Variants in SEMA3E observed in about 807,000 individuals in gnomAD.
SEMA3E encodes the protein semaphorin-3E.
SEMA3E carries 49 observed loss-of-function variants against 93.6 expected under a neutral mutation model. The ratio of observed to expected loss-of-function variants is 0.52; its 90% CI spans 0.42 to 0.66. The LOEUF (loss-of-function observed/expected upper bound fraction) is 0.66, where lower values mean the gene tolerates loss of function less well. Ranked by LOEUF, SEMA3E falls within the 30% of genes least tolerant of loss-of-function variation. The pLI is 0.00. For missense variants in SEMA3E, 906 were observed against 964.8 expected, an observed-to-expected ratio of 0.94 and a Z score of 0.81; for synonymous variants, 363 against 330.7, an observed-to-expected ratio of 1.10 and a Z score of -1.06.
At chr7:83,539,482 G>A (rs1009520180) in intron 1 of SEMA3E, among the ~76,000 whole-genome samples, 3 of 152,080 alleles carry the variant, frequency 2.0e-5, no homozygotes, top group East Asian at 1.9e-4. Context: ...TGATAATCTC[G>A]TACTTCCAAC....
chr7:83,567,422 C>T (rs1359808544), intron 1 of SEMA3E, among the ~76,000 whole-genome samples: 1 of 152,146 alleles, frequency 6.6e-6, no homozygotes, highest in African/African-American at 2.4e-5. Context: ...CCGACATTCA[C>T]AGATATTTCA....
intron 1 of SEMA3E, among the ~76,000 whole-genome samples, chr7:83,492,555 AT>A (rs1295899302): frequency 6.6e-6 from 1 of 151,910 alleles, no homozygotes; most frequent in Non-Finnish European, 1.5e-5. Flanking sequence ...CTTGTAACCT[AT>A]TCTTCCTCTC....
At chr7:83,468,764 G>C (rs1272556533) in intron 3 of SEMA3E, among the ~76,000 whole-genome samples, 1 of 152,128 alleles carries the variant, frequency 6.6e-6, no homozygotes, top group Non-Finnish European at 1.5e-5. Context: ...TACAGAAAGA[G>C]AGAATAATGC....
chr7:83,606,822 T>C (rs1289969256), intron 1 of SEMA3E, among the ~76,000 whole-genome samples: 2 of 151,922 alleles, frequency 1.3e-5, no homozygotes, highest in Non-Finnish European at 2.9e-5. Flanking sequence ...AACTAATGTA[T>C]GTATTTTCTA....
At chr7:83,404,573 CT>C (rs1216366168) in intron 9 of SEMA3E, among the ~76,000 whole-genome samples, 1 of 151,768 alleles carries the variant, frequency 6.6e-6, no homozygotes, top group African/African-American at 2.4e-5. Flanking sequence ...AATACTGATT[CT>C]AATATTTTTA....
chr7:83,487,583 AAAAG>A (rs980855973), intron 2 of SEMA3E, among the ~76,000 whole-genome samples: 36 of 152,008 alleles, frequency 2.4e-4, no homozygotes, highest in African/African-American at 8.4e-4. Context: ...AGAGAGAAGA[AAAAG>A]AAAGAGATAG....
chr7:83,546,492 G>T (rs530637793), intron 1 of SEMA3E, among the ~76,000 whole-genome samples: 35 of 151,734 alleles, frequency 2.3e-4, no homozygotes, highest in African/African-American at 8.2e-4. Flanking sequence ...CAAGGATGGA[G>T]AAGACAAAGA....
chr7:83,583,979 G>C (rs1014653751), intron 1 of SEMA3E, among the ~76,000 whole-genome samples: 6 of 152,058 alleles, frequency 3.9e-5, no homozygotes, highest in Non-Finnish European at 8.8e-5. Flanking sequence ...TGTGTACAAA[G>C]AGGGACTAGA....
At chr7:83,604,050 C>T (rs1301569296) in intron 1 of SEMA3E, among the ~76,000 whole-genome samples, 1 of 152,078 alleles carries the variant, frequency 6.6e-6, no homozygotes, top group African/African-American at 2.4e-5. Flanking sequence ...TCCCTAATTG[C>T]ATGGTTCTCT....
At chr7:83,555,755 A>G (rs1791873952) in intron 1 of SEMA3E, among the ~76,000 whole-genome samples, 1 of 152,134 alleles carries the variant, frequency 6.6e-6, no homozygotes, top group Admixed American at 6.5e-5. Context: ...TGAACATACT[A>G]ATTTATTTTA....
At chr7:83,402,315 T>C (rs1182696245) in intron 10 of SEMA3E, among the ~76,000 whole-genome samples, 1 of 151,996 alleles carries the variant, frequency 6.6e-6, no homozygotes, top group Non-Finnish European at 1.5e-5. Flanking sequence ...GATGTTCATG[T>C]TACTGAATGT....
intron 1 of SEMA3E, among the ~76,000 whole-genome samples, chr7:83,566,286 G>A (rs113444060): frequency 8.8e-4 from 133 of 151,782 alleles, no homozygotes; most frequent in Middle Eastern, 3.4e-3. Flanking sequence ...GATTACAGGC[G>A]TGAGCCACTG....
chr7:83,508,423 C>T (rs941349638), intron 1 of SEMA3E, among the ~76,000 whole-genome samples: 12 of 151,996 alleles, frequency 7.9e-5, no homozygotes, highest in African/African-American at 1.7e-4. Context: ...CCACCACACC[C>T]GGCTAATTTT....
At chr7:83,583,629 C>A (rs1448092838) in intron 1 of SEMA3E, among the ~76,000 whole-genome samples, 4 of 152,114 alleles carry the variant, frequency 2.6e-5, no homozygotes, top group Non-Finnish European at 5.9e-5. Context: ...ATTATAACAA[C>A]CCCATTTTCT....
intron 4 of SEMA3E, among the ~76,000 whole-genome samples, chr7:83,429,632 G>A (rs986539525): frequency 6.6e-6 from 1 of 152,188 alleles, no homozygotes; most frequent in South Asian, 2.1e-4. Flanking sequence ...TTTGAAGGAA[G>A]TCTAACCTCA....
chr7:83,505,784 G>C (rs550351985), intron 1 of SEMA3E, among the ~76,000 whole-genome samples: 1 of 152,012 alleles, frequency 6.6e-6, no homozygotes, highest in African/African-American at 2.4e-5. Context: ...GGGATGCCAA[G>C]GGGGGCAGAT....
chr7:83,567,678 TA>T (rs1792191491), intron 1 of SEMA3E, among the ~76,000 whole-genome samples: 1 of 152,098 alleles, frequency 6.6e-6, no homozygotes, highest in Non-Finnish European at 1.5e-5. Flanking sequence ...AGAAAAAACT[TA>T]AAAAATTTTT....
chr7:83,600,342 C>T (rs980858956), intron 1 of SEMA3E, among the ~76,000 whole-genome samples: 7 of 149,230 alleles, frequency 4.7e-5, no homozygotes, highest in Non-Finnish European at 7.4e-5. Flanking sequence ...TTCCTTGAGG[C>T]GGAGTCTCGC....
intron 14 of SEMA3E, among the ~76,000 whole-genome samples, chr7:83,390,370 T>C (rs1218437163): frequency 6.6e-6 from 1 of 151,992 alleles, no homozygotes; most frequent in East Asian, 2.0e-4. Context: ...TTCTTATATC[T>C]CTAGTCTTTT....
Sources: gnomAD v4.1 joint callset for allele counts (sites outside exome capture counted in the v4.1 genomes callset) on GRCh38, gnomAD v4.1.1 for gene constraint, MANE v1.5 for transcripts, NCBI Gene and HGNC (gene_info 2026-07-23, HGNC 2026-07-21) for gene names.